Variants in SUPT3H observed in about 807,000 individuals in gnomAD.
SUPT3H encodes transcription initiation protein SPT3 homolog.
Under a neutral mutation model 44.3 loss-of-function variants are expected in SUPT3H, and 44 were observed. The observed-to-expected ratio is 0.99, with a 90% CI of 0.78 to 1.28. The LOEUF is 1.28. SUPT3H is among the 50% of genes most tolerant of loss of function. The probability of loss-of-function intolerance (pLI) is 0.00; values close to 1 mark genes in which losing one functional copy is unlikely to be tolerated. For synonymous variants in SUPT3H, 124 were observed against 125.6 expected, an observed-to-expected ratio of 0.99 and a Z score of 0.09; for missense variants, 380 against 387.1, an observed-to-expected ratio of 0.98 and a Z score of 0.15.
intron 6 of SUPT3H, among the ~76,000 whole-genome samples, chr6:44,972,172 G>A (rs1181581471): frequency 6.6e-6 from 1 of 152,086 alleles, no homozygotes; most frequent in Non-Finnish European, 1.5e-5. Flanking sequence ...TTACAAGCCT[G>A]TAAAATCAAA....
chr6:44,959,520 T>TA (rs1562138680), intron 7 of SUPT3H, among the ~76,000 whole-genome samples: 1 of 151,988 alleles, frequency 6.6e-6, no homozygotes, highest in East Asian at 1.9e-4. Flanking sequence ...GACTGGAAAA[T>TA]AATTTACCAA....
chr6:45,200,074 G>A (rs559758443), intron 2 of SUPT3H, among the ~76,000 whole-genome samples: 7 of 151,432 alleles, frequency 4.6e-5, no homozygotes, highest in African/African-American at 1.4e-4. Context: ...TATTCTGTGC[G>A]ACAGATAAAA....
At chr6:45,306,252 C>T (rs541003520) in intron 2 of SUPT3H, among the ~76,000 whole-genome samples, 1 of 152,318 alleles carries the variant, frequency 6.6e-6, no homozygotes, top group East Asian at 1.9e-4. Context: ...AAAACGAATC[C>T]ATGCTCAGCC....
intron 2 of SUPT3H, among the ~76,000 whole-genome samples, chr6:45,118,038 T>C (rs1562493061): frequency 6.6e-6 from 1 of 152,104 alleles, no homozygotes; most frequent in African/African-American, 2.4e-5. Flanking sequence ...GACACAACTC[T>C]ACTGAGAATA....
intron 3 of SUPT3H, among the ~76,000 whole-genome samples, chr6:45,092,780 A>G (rs550581853): frequency 2.1e-4 from 32 of 151,598 alleles, no homozygotes; most frequent in Middle Eastern, 3.4e-3. Context: ...AATTAAGTCA[A>G]TTTTATTCTA....
intron 2 of SUPT3H, among the ~76,000 whole-genome samples, chr6:45,212,800 C>T (rs16873257): frequency 0.11 from 16,993 of 152,070 alleles, 1,342 homozygotes; most frequent in East Asian, 0.26. Flanking sequence ...ACTCTTGATA[C>T]CTGATTAAAT....
At chr6:45,261,130 C>G (rs544307155) in intron 2 of SUPT3H, among the ~76,000 whole-genome samples, 13 of 152,150 alleles carry the variant, frequency 8.5e-5, no homozygotes, top group African/African-American at 3.1e-4. Context: ...CCAAATCCTA[C>G]TAGACATACA....
At chr6:45,117,847 T>C (rs1383412192) in intron 2 of SUPT3H, among the ~76,000 whole-genome samples, 1 of 152,094 alleles carries the variant, frequency 6.6e-6, no homozygotes, top group Non-Finnish European at 1.5e-5. Flanking sequence ...AGGAAGTATA[T>C]AAGACAATTG....
intron 2 of SUPT3H, among the ~76,000 whole-genome samples, chr6:45,121,743 T>A (rs1291921943): frequency 1.3e-5 from 2 of 152,180 alleles, no homozygotes; most frequent in Non-Finnish European, 2.9e-5. Context: ...TGGCGTGATC[T>A]TGGCTCACTG....
intron 2 of SUPT3H, among the ~76,000 whole-genome samples, chr6:45,330,785 C>T (rs368627495): frequency 2.8e-4 from 42 of 151,900 alleles, no homozygotes; most frequent in Non-Finnish European, 4.6e-4. Flanking sequence ...CTTCCCTCCC[C>T]GCCAGCCCCC....
chr6:44,905,086 A>T (rs1183045637), intron 10 of SUPT3H, among the ~76,000 whole-genome samples: 1 of 152,016 alleles, frequency 6.6e-6, no homozygotes, highest in African/African-American at 2.4e-5. Context: ...AACCTAGGCA[A>T]TACCATTCAG....
chr6:45,339,070 T>C (rs1789206870), intron 2 of SUPT3H, among the ~76,000 whole-genome samples: 2 of 152,160 alleles, frequency 1.3e-5, no homozygotes, highest in South Asian at 4.1e-4. Flanking sequence ...AAAGAAGACA[T>C]ACTTGCCATA....
Position 45,253,872 on chromosome 6 carries a change from T to TATATAC in SUPT3H, c.101+111328_101+111329insGTATAT, listed in dbSNP as rs1491408260. On this transcript the variant is annotated intron_variant, in intron 2 of 10. Coordinates refer to ENST00000371459, the MANE Select transcript of SUPT3H (RefSeq NM_003599.4). ...GCATATATATATATATATATATATA[T>TATATAC]ACACACACACAGTACATATATAGAA... Among the ~76,000 whole-genome samples the TATATAC allele has an allele frequency of 1.2e-3, 143 of 124,092 alleles. 1 individual carries two copies. Among genetic ancestry groups the TATATAC allele is most frequent in the African/African-American group, 3.8e-3 (133 of 35,164 alleles). The allele number at this position is 124,092 out of a possible 152,430, so 81.4% of individuals were successfully genotyped here.
chr6:44,977,200 T>C (rs888851306), intron 6 of SUPT3H, among the ~76,000 whole-genome samples: 1 of 152,122 alleles, frequency 6.6e-6, no homozygotes, highest in African/African-American at 2.4e-5. Flanking sequence ...TCACCTTAAA[T>C]AAAGTAACCA....
At chr6:45,373,707 T>A (rs956501588) in intron 1 of SUPT3H, among the ~76,000 whole-genome samples, 2 of 152,054 alleles carry the variant, frequency 1.3e-5, no homozygotes, top group African/African-American at 4.8e-5. Flanking sequence ...TGCACCACCA[T>A]GCCCGGCTAA....
intron 9 of SUPT3H, among the ~76,000 whole-genome samples, chr6:44,935,772 C>T (rs1023160434): frequency 7.2e-5 from 11 of 152,252 alleles, no homozygotes; most frequent in African/African-American, 1.2e-4. Flanking sequence ...TTTTCTCTGC[C>T]GGTTTACAAT....
rs537886172 is a variant in SUPT3H at position 45,057,468 on chromosome 6, A to T, written c.187-36836T>A. Among the ~76,000 whole-genome samples the T allele has an allele frequency of 2.0e-5, 3 of 152,274 alleles. No homozygotes were observed. The South Asian group carries it at 6.2e-4, about 32-fold the overall frequency. On this transcript the variant is annotated intron_variant, in intron 3 of 10. Transcript: ENST00000371459. ...GACACAAAACCCAACAGAGCCTGACAAAACTAACTAAACTAAAAAAACAAA... is the reference window on the plus strand; with the variant it reads ...GACACAAAACCCAACAGAGCCTGACTAAACTAACTAAACTAAAAAAACAAA...
At chr6:45,205,455 T>C (rs1763081510) in intron 2 of SUPT3H, among the ~76,000 whole-genome samples, 1 of 152,180 alleles carries the variant, frequency 6.6e-6, no homozygotes, top group Non-Finnish European at 1.5e-5. Context: ...ATAAACTTTA[T>C]ATAATGTATA....
intron 2 of SUPT3H, among the ~76,000 whole-genome samples, chr6:45,288,221 A>G (rs1779631593): frequency 6.6e-6 from 1 of 152,076 alleles, no homozygotes; most frequent in Admixed American, 6.6e-5. Context: ...AACCTCAAAC[A>G]TAACTCAATA....
Sources: allele counts gnomAD v4.1 joint callset (sites outside exome capture counted in the v4.1 genomes callset), GRCh38; gene constraint gnomAD v4.1.1; transcripts MANE v1.5; gene names NCBI Gene and HGNC (gene_info 2026-07-23, HGNC 2026-07-21).